The following CYB5A variants were observed in gnomAD, a reference collection of about 807,000 sequenced individuals.
CYB5A encodes the protein cytochrome b5.
Under a neutral mutation model 16.2 loss-of-function variants are expected in CYB5A, and 10 were observed. The ratio of observed to expected loss-of-function variants is 0.62; its 90% confidence interval spans 0.38 to 1.04. The LOEUF (loss-of-function observed/expected upper bound fraction) is 1.04, where lower values mean the gene tolerates loss of function less well. Ranked by LOEUF, CYB5A falls within the 50% of genes least tolerant of loss-of-function variation. CYB5A has a pLI of 0.01. For missense variants in CYB5A, 161 were observed against 165.9 expected, an observed-to-expected ratio of 0.97 and a Z score of 0.16; for synonymous variants, 62 against 57.0, an observed-to-expected ratio of 1.09 and a Z score of -0.40.
Position 74,291,353 on chromosome 18 carries a change from G to A in CYB5A, c.129+394C>T, listed in dbSNP as rs1983528223. 2.6e-5 allele frequency among the ~76,000 whole-genome samples: 4 copies of A among 151,638 alleles called. No individual in the cohort carries two copies. The South Asian group carries it at 8.5e-4, about 32-fold the overall frequency. On this transcript the variant is annotated intron_variant, in intron 1 of 4. Transcript: ENST00000340533. ...GCCGCCGCGCAGGGCGCTCCCAGGT[G>A]TGCACGCGCAGGTGTACGGATTCGG...
intron 1 of CYB5A, among the ~76,000 whole-genome samples, chr18:74,277,967 A>G (rs1300945184): frequency 2.0e-5 from 3 of 152,208 alleles, no homozygotes; most frequent in African/African-American, 7.2e-5. Context: ...AATGCCTTCA[A>G]TTTCTCTCCT....
chr18:74,269,265 A>G (rs557645260), intron 1 of CYB5A, among the ~76,000 whole-genome samples: 1 of 133,608 alleles, frequency 7.5e-6, no homozygotes, highest in Admixed American at 8.2e-5. Flanking sequence ...CTTCTCCTTG[A>G]ATTGCCTTCT....
At chr18:74,274,737 G>A (rs1487431132) in intron 1 of CYB5A, among the ~76,000 whole-genome samples, 1 of 152,132 alleles carries the variant, frequency 6.6e-6, no homozygotes, top group Non-Finnish European at 1.5e-5. Context: ...CAAATAACTA[G>A]GTCAAATGAG....
At chr18:74,271,425 G>A (rs950219528) in intron 1 of CYB5A, among the ~76,000 whole-genome samples, 6 of 152,080 alleles carry the variant, frequency 3.9e-5, no homozygotes, top group Non-Finnish European at 7.4e-5. Flanking sequence ...TAGCTACCAC[G>A]GGTACCTCTC....
rs1599241837 is a variant in CYB5A, at chr18:74,253,290, G to A, written c.*294C>T. The A allele has an allele frequency of 8.4e-6, 3 of 356,414 alleles. No individual in the cohort carries two copies. The highest frequency in any genetic ancestry group is 1.1e-5 in the Non-Finnish European group (2 of 184,248). 22.1% of individuals were successfully genotyped at this position (356,414 alleles called of 1,614,324 possible). A position where few individuals can be genotyped will look rare whatever the true frequency, so the allele number is the denominator to read the frequency against. On this transcript the variant is annotated 3_prime_UTR_variant, in exon 5 of 5. Transcript: ENST00000340533. ...AATTATACACCAAACAGGCAAACACGGTGCATACTTTAAAAGCCAAATATA... is the reference window on the plus strand; with the variant it reads ...AATTATACACCAAACAGGCAAACACAGTGCATACTTTAAAAGCCAAATATA...
At chr18:74,286,687 G>C (rs1454652858) in intron 1 of CYB5A, among the ~76,000 whole-genome samples, 1 of 152,210 alleles carries the variant, frequency 6.6e-6, no homozygotes, top group Non-Finnish European at 1.5e-5. Context: ...GCTTTCCCAT[G>C]AATGCCCAGC....
At chr18:74,266,853 A>G (rs1982458861) in intron 1 of CYB5A, among the ~76,000 whole-genome samples, 1 of 13,560 alleles carries the variant, frequency 7.4e-5, no homozygotes. Context: ...AAAAAAAAAC[A>G]TAGCTTAGAA....
At chr18:74,262,225 A>G (rs1982232053) in intron 2 of CYB5A, among the ~76,000 whole-genome samples, 1 of 152,166 alleles carries the variant, frequency 6.6e-6, no homozygotes, top group African/African-American at 2.4e-5. Context: ...AGGCCTAGGT[A>G]GGTGGATTAC....
intron 3 of CYB5A, 110 bp downstream of exon 3, chr18:74,260,805 G>C: frequency 1.3e-5 from 12 of 909,176 alleles, no homozygotes; most frequent in Non-Finnish European, 2.2e-5. Context: ...CATTTATCTA[G>C]AAAGACCTGT....
intron 1 of CYB5A, among the ~76,000 whole-genome samples, chr18:74,278,093 C>G (rs1254720583): frequency 6.6e-6 from 1 of 152,108 alleles, no homozygotes; most frequent in Non-Finnish European, 1.5e-5. Flanking sequence ...TTGTGTGGAC[C>G]CTTCTAAAGC....
At position 74,256,831 on chromosome 18, in the gene CYB5A, T is replaced by C. The variant is rs997315210; in HGVS notation, c.289-1056A>G. ...AAAGCAGTTATGAGACCCACCAACC[T>C]TGAAACACCGCCTTTAAGGTTCCTG... is the stretch of plus-strand genomic sequence containing the variant. On this transcript the variant is annotated intron_variant, in intron 3 of 4. Coordinates refer to ENST00000340533, the MANE Select transcript of CYB5A (RefSeq NM_148923.4). The C allele has an allele frequency of 2.5e-6, 4 of 1,613,804 alleles. No individual in the cohort carries two copies. In the African/African-American group the frequency reaches 5.3e-5, roughly 22 times the overall value.
Position 74,260,902 on chromosome 18 carries a change from T to C in CYB5A, c.288+13A>G, listed in dbSNP as rs1381263935. ...CGAGAACATCCAGAGATACTTGAGA[T>C]GGTCACACTTACCGGAGGCTTGTTT... On this transcript the variant is annotated intron_variant, in intron 3 of 4. Coordinates refer to ENST00000340533, the MANE Select transcript of CYB5A (RefSeq NM_148923.4). The C allele has an allele frequency of 6.8e-6, 11 of 1,609,238 alleles. No homozygotes were observed. Among genetic ancestry groups the C allele is most frequent in the African/African-American group, 1.3e-5 (1 of 74,992 alleles).
intron 4 of CYB5A, among the ~76,000 whole-genome samples, chr18:74,254,713 G>A (rs544192928): frequency 6.6e-6 from 1 of 151,784 alleles, no homozygotes; most frequent in East Asian, 2.0e-4. Flanking sequence ...GTAGAGACAG[G>A]GTTTCACTGT....
At chr18:74,263,146 C>CA (rs374767854) in intron 2 of CYB5A, among the ~76,000 whole-genome samples, 25,929 of 85,580 alleles carry the variant, frequency 0.3, 3,000 homozygotes, top group South Asian at 0.37. Context: ...AGACCTGTCT[C>CA]AAAAAAAAAA....
At chr18:74,258,378 T>C (rs1260556220) in intron 3 of CYB5A, 1 of 152,230 alleles carries the variant, frequency 6.6e-6, no homozygotes. Context: ...GCAAATGTGA[T>C]AGAAACATTT....
intron 1 of CYB5A, among the ~76,000 whole-genome samples, chr18:74,274,094 T>C (rs1982775901): frequency 6.6e-6 from 1 of 152,220 alleles, no homozygotes; most frequent in Non-Finnish European, 1.5e-5. Flanking sequence ...AGGAGTCCAC[T>C]TTCCCATACA....
intron 1 of CYB5A, among the ~76,000 whole-genome samples, chr18:74,274,279 T>A (rs1204896248): frequency 7.2e-5 from 11 of 152,238 alleles, no homozygotes; most frequent in Non-Finnish European, 1.5e-5. Flanking sequence ...ATGTTTCCAC[T>A]TCTTTTTAGA....
At chr18:74,256,450 T>TC (rs1337903746) in intron 3 of CYB5A, 3 of 229,238 alleles carry the variant, frequency 1.3e-5, no homozygotes, top group African/African-American at 6.9e-5. Context: ...GTTTTTATCC[T>TC]CCAGAGCTTT....
intron 2 of CYB5A, 162 bp from the exon 3 acceptor site, chr18:74,261,106 A>C (rs1015637333): frequency 3.2e-6 from 2 of 630,420 alleles, no homozygotes; most frequent in Non-Finnish European, 5.7e-6. Context: ...CTGATTTAAC[A>C]GCAAAAATTA....
Sources: allele counts gnomAD v4.1 joint callset (sites outside exome capture counted in the v4.1 genomes callset), GRCh38; gene constraint gnomAD v4.1.1; transcripts MANE v1.5; gene names NCBI Gene and HGNC (gene_info 2026-07-23, HGNC 2026-07-21).